Variants in FAM98B observed in about 807,000 individuals in gnomAD.
FAM98B encodes the protein tRNA splicing ligase complex subunit 3B.
A neutral mutation model predicts 43.9 loss-of-function variants in FAM98B; 32 were observed. The ratio of observed to expected loss-of-function variants is 0.73; its 90% CI spans 0.55 to 0.98. FAM98B has a LOEUF of 0.98. Ranked by LOEUF, FAM98B falls within the 50% of genes least tolerant of loss-of-function variation. The pLI is 0.00. For missense variants in FAM98B, 514 were observed against 522.9 expected (o/e 0.98, Z 0.17); for synonymous variants, 190 against 174.0 (o/e 1.09, Z -0.72).
intron 1 of FAM98B, chr15:38,458,684 GTGA>G (rs1889892439): frequency 5.0e-6 from 1 of 200,246 alleles, no homozygotes; most frequent in African/African-American, 2.3e-5. Flanking sequence ...TGTCCGTCAG[GTGA>G]TCCTAAAGGC....
intron 5 of FAM98B, 106 bp from the exon 6 acceptor site, chr15:38,474,076 T>TACA (rs75101159): frequency 0.013 from 8,939 of 714,870 alleles, 89 homozygotes; most frequent in Non-Finnish European, 0.018. Context: ...GGTCAGTAAG[T>TACA]ACATCTTTTG....
At chr15:38,481,522 G>C (rs776426294) in intron 7 of FAM98B, 63 bp downstream of exon 7, 1 of 1,613,958 alleles carries the variant, frequency 6.2e-7, no homozygotes, top group Admixed American at 1.7e-5. Context: ...TGTTTTTACA[G>C]ATTTTAGTCT....
chr15:38,464,390 A>G (rs1889996360), intron 2 of FAM98B, among the ~76,000 whole-genome samples: 1 of 152,138 alleles, frequency 6.6e-6, no homozygotes, highest in Non-Finnish European at 1.5e-5. Flanking sequence ...ATTACTATTT[A>G]TCTGCTATTT....
intron 4 of FAM98B, among the ~76,000 whole-genome samples, chr15:38,472,204 C>A (rs559490790): frequency 6.6e-6 from 1 of 152,174 alleles, no homozygotes; most frequent in East Asian, 1.9e-4. Flanking sequence ...TGTGATTACA[C>A]GTAACAAACT....
In FAM98B at chr15:38,484,601, G is replaced by T; in HGVS notation, c.1244G>T (p.Gly415Val). 1 of 1,437,236 alleles carries T rather than the reference G, an allele frequency of 7.0e-7. No individual in the cohort carries two copies. Among genetic ancestry groups the T allele is most frequent in the Non-Finnish European group, 9.2e-7 (1 of 1,086,934 alleles). 89.0% of individuals were successfully genotyped at this position (1,437,236 alleles called of 1,614,324 possible). Residue 415 changes from glycine (G) to valine (V), a missense_variant, in exon 8 of 8, where the codon GGA becomes GTA. Physicochemically the swap from Gly to Val is moderately radical, Grantham distance 109. Transcript: ENST00000397609. ...GGAAGAGGCTATGGAGATCCATATG[G>T]AGGAGGTGGTGGTGGTGGTGGTGGT... is the stretch of plus-strand genomic sequence containing the variant. ...YGGRGYGDPYGGGGGGGGGGG... is the reference protein window; with the variant it reads ...YGGRGYGDPYVGGGGGGGGGG...
At chr15:38,461,316 G>A (rs1014321565) in intron 1 of FAM98B, among the ~76,000 whole-genome samples, 3 of 152,164 alleles carry the variant, frequency 2.0e-5, no homozygotes, top group African/African-American at 7.2e-5. Flanking sequence ...GAGCTGGGGG[G>A]TGCAGAAATA....
At chr15:38,454,267 C>A in intron 1 of FAM98B, 35 bp downstream of exon 1, 2 of 1,576,560 alleles carry the variant, frequency 1.3e-6, no homozygotes. Flanking sequence ...TCCCTGAAAA[C>A]GCAACCTCTC....
rs1889813478 is a variant in FAM98B at position 38,454,311 on chromosome 15, C to T, written c.71+79C>T. ...GGCTGCTTAGCCTACTTCCCTTGGG[C>T]CTCTGTGGGCCTGGGCGGCCATGTG... On this transcript the variant is annotated intron_variant, in intron 1 of 7. Transcript: ENST00000397609. 3.4e-6 allele frequency: 5 copies of T among 1,451,986 alleles called. No homozygotes were observed. In the Admixed American group the frequency reaches 1.0e-4, roughly 29 times the overall value. The allele number at this position is 1,451,986 out of a possible 1,614,324, so 89.9% of individuals were successfully genotyped here. A position where few individuals can be genotyped will look rare whatever the true frequency, so the allele number is the denominator to read the frequency against.
At chr15:38,468,145 G>A (rs1373341973) in intron 3 of FAM98B, among the ~76,000 whole-genome samples, 2 of 152,186 alleles carry the variant, frequency 1.3e-5, no homozygotes, top group East Asian at 3.8e-4. Context: ...CATGGAGAAA[G>A]CATGTTTCCA....
intron 4 of FAM98B, among the ~76,000 whole-genome samples, chr15:38,473,101 G>C (rs757509731): frequency 6.6e-6 from 1 of 152,134 alleles, no homozygotes; most frequent in East Asian, 1.9e-4. Flanking sequence ...ACTGGAATGT[G>C]TACATAGCAT....
chr15:38,454,696 A>G lies in FAM98B; in HGVS notation c.71+464A>G, dbSNP rs117611994. 8.3e-3 allele frequency among the ~76,000 whole-genome samples: 1,268 copies of G among 152,268 alleles called. 10 individuals are homozygous for G. Among genetic ancestry groups the G allele is most frequent in the South Asian group, 0.059 (283 of 4,822 alleles). On this transcript the variant is annotated intron_variant, in intron 1 of 7. Coordinates refer to ENST00000397609, the MANE Select transcript of FAM98B (RefSeq NM_173611.4). The stretch of plus-strand genomic sequence containing the variant: ...AATGGCTTTTACTTTGACCGGAGAA[A>G]GTGTTGTAGTTCATTGCGAGTTCGT...
intron 4 of FAM98B, among the ~76,000 whole-genome samples, chr15:38,472,661 A>G (rs1212466910): frequency 3.3e-5 from 5 of 152,072 alleles, no homozygotes; most frequent in Admixed American, 3.3e-4. Context: ...GCCCATTTAC[A>G]GTTACTCCAC....
Position 38,470,329 on chromosome 15 carries a change from C to G in FAM98B, c.455C>G (p.Ala152Gly). Residue 152 changes from alanine (A) to glycine (G), a missense_variant, in exon 4 of 8, where the codon GCT (alanine) becomes GGT (glycine). Transcript: ENST00000397609. Reference protein sequence around the residue: ...KNSEVYQEVQAMFDTLGIPKS... With the variant: ...KNSEVYQEVQGMFDTLGIPKS... The stretch of plus-strand genomic sequence containing the variant: ...AGTGAAGTTTATCAGGAAGTTCAAG[C>G]TATGTTTGATACACTTGGTATACCC... 1 of 1,607,156 alleles carries G rather than the reference C, an allele frequency of 6.2e-7. No homozygotes were observed. The highest frequency in any genetic ancestry group is 8.5e-7 in the Non-Finnish European group (1 of 1,177,880).
chr15:38,473,559 A>C lies in FAM98B; in HGVS notation c.586A>C (p.Lys196Gln). ...QKNHVGKPLLKMDLNSEQAEQ... is the reference protein window; with the variant it reads ...QKNHVGKPLLQMDLNSEQAEQ... ...AAATCATGTGGGAAAACCACTGCTGAAAATGGATTTAAATTCAGAACAGGC... is the reference window on the plus strand; with the variant it reads ...AAATCATGTGGGAAAACCACTGCTGCAAATGGATTTAAATTCAGAACAGGC... Residue 196 changes from lysine to glutamine, a missense_variant, in exon 5 of 8, where the codon AAA becomes CAA. Physicochemically the swap from Lys to Gln is moderately conservative, Grantham distance 53 (BLOSUM62 1). Transcript: ENST00000397609. 1 of 1,611,038 alleles carries C rather than the reference A, an allele frequency of 6.2e-7. No homozygotes were observed.
At chr15:38,481,707 G>A (rs1433427336) in intron 7 of FAM98B, 2 of 1,175,426 alleles carry the variant, frequency 1.7e-6, no homozygotes, top group Admixed American at 5.8e-5. Context: ...CAAAGCTTTA[G>A]CAAGAATTAT....
At chr15:38,474,818 G>A (rs1242063840) in intron 6 of FAM98B, among the ~76,000 whole-genome samples, 1 of 152,058 alleles carries the variant, frequency 6.6e-6, no homozygotes, top group African/African-American at 2.4e-5. Context: ...TGCTTAGTCT[G>A]GGATCACTCC....
intron 3 of FAM98B, among the ~76,000 whole-genome samples, chr15:38,468,574 G>A (rs1890075810): frequency 6.6e-6 from 1 of 152,138 alleles, no homozygotes; most frequent in African/African-American, 2.4e-5. Flanking sequence ...CATAAGGAAA[G>A]TTTAATATTG....
intron 3 of FAM98B, among the ~76,000 whole-genome samples, chr15:38,468,198 A>G (rs562722978): frequency 7.2e-5 from 11 of 152,288 alleles, no homozygotes; most frequent in African/African-American, 2.6e-4. Context: ...TCTAAAATAT[A>G]AATTTTTGAA....
intron 1 of FAM98B, among the ~76,000 whole-genome samples, chr15:38,460,237 G>A (rs775333922): frequency 1.3e-5 from 2 of 152,174 alleles, no homozygotes; most frequent in Non-Finnish European, 2.9e-5. Flanking sequence ...GAACAAACTA[G>A]GAGCATGGTT....
Sources: gnomAD v4.1 joint callset for allele counts (sites outside exome capture counted in the v4.1 genomes callset) on GRCh38, gnomAD v4.1.1 for gene constraint, MANE v1.5 for transcripts, NCBI Gene and HGNC (gene_info 2026-07-23, HGNC 2026-07-21) for gene names.